AKR1C2: variants seen among roughly 807,000 people sequenced by gnomAD.
AKR1C2 encodes aldo-keto reductase family 1 member C2, also known as 3-alpha-HSD3.
A neutral mutation model predicts 39.8 loss-of-function variants in AKR1C2; 27 were observed. The observed-to-expected ratio is 0.68, with a 90% CI of 0.50 to 0.93. AKR1C2 has a LOEUF of 0.93. AKR1C2 is among the 40% of genes least tolerant of loss of function. The pLI is 0.00. For missense variants in AKR1C2, 263 were observed against 365.1 expected (o/e 0.72, Z 2.28); for synonymous variants, 114 against 137.9 (o/e 0.83, Z 1.22).
intron 1 of AKR1C2, among the ~76,000 whole-genome samples, chr10:5,009,777 A>C (rs1326760596): frequency 2.0e-5 from 3 of 152,076 alleles, no homozygotes; most frequent in Non-Finnish European, 4.4e-5. Context: ...TGAGGAGACA[A>C]GGAGGCAACC....
intron 3 of AKR1C2, 32 bp from the exon 4 acceptor site, chr10:4,999,309 A>G: frequency 1.3e-6 from 2 of 1,526,068 alleles, no homozygotes; most frequent in South Asian, 2.6e-5. Context: ...TAGTGATGTC[A>G]CAAGTCAATT....
chr10:5,002,124 A>G (rs1212290720), intron 1 of AKR1C2, among the ~76,000 whole-genome samples: 1 of 152,238 alleles, frequency 6.6e-6, no homozygotes, highest in Non-Finnish European at 1.5e-5. Context: ...TTTATCCAGC[A>G]TCATATTTTG....
At chr10:5,008,861 C>T (rs539058417), upstream of AKR1C2, among the ~76,000 whole-genome samples, 3 of 152,302 alleles carry the variant, frequency 2.0e-5, no homozygotes, top group East Asian at 5.8e-4. Context: ...ATGATGTTTG[C>T]CAGCACTGTT....
upstream of AKR1C2, among the ~76,000 whole-genome samples, chr10:5,005,630 C>T (rs148903677): frequency 3.6e-3 from 541 of 152,202 alleles, 5 homozygotes; most frequent in African/African-American, 0.012. Flanking sequence ...TTGCAGTGAG[C>T]CGAGATGGCA....
At chr10:5,011,808 TTGA>T (rs1398973867) in intron 1 of AKR1C2, among the ~76,000 whole-genome samples, 1 of 152,182 alleles carries the variant, frequency 6.6e-6, no homozygotes, top group Non-Finnish European at 1.5e-5. Context: ...GAACAAGAAC[TTGA>T]TGAACTGATG....
chr10:5,000,720 T>G, intron 2 of AKR1C2, 54 bp from the exon 3 acceptor site: 2 of 1,529,008 alleles, frequency 1.3e-6, no homozygotes, highest in African/African-American at 1.4e-5. Context: ...CCAGTTTTAC[T>G]AGTTTGCTCC....
At chr10:5,001,436 G>A (rs1837269020) in intron 2 of AKR1C2, 78 bp downstream of exon 2, 6 of 1,537,700 alleles carry the variant, frequency 3.9e-6, no homozygotes, top group East Asian at 2.3e-5. Context: ...CCTCAACTAT[G>A]GATCCAGTCA....
chr10:4,996,536 T>C (rs1475972762), intron 5 of AKR1C2, among the ~76,000 whole-genome samples: 8 of 132,428 alleles, frequency 6.0e-5, no homozygotes, highest in Admixed American at 4.1e-4. Context: ...TCATATATAT[T>C]ATATATATAT....
rs13945 is a variant in AKR1C2 at position 5,000,592 on chromosome 10, G to A, written c.327C>T (p.Asp109=). Residue 109 remains aspartate, a synonymous_variant, in exon 3 of 9, where the codon GAC becomes GAT. Coordinates refer to ENST00000380753, the MANE Select transcript of AKR1C2 (RefSeq NM_001393392.1). ...AATGAATAAGATAGAGGTCAACATA[G>A]TCCAATTGAAGATTTTTCAGTGACC... ...LERSLKNLQL[D]YVDLYLIHFP... 0.082 allele frequency: 132,148 copies of A among 1,612,022 alleles called. 6,009 individuals carry two copies. The highest frequency in any genetic ancestry group is 0.11 in the Middle Eastern group (665 of 6,052).
chr10:5,003,749 T>C lies in AKR1C2; in HGVS notation c.84+3A>G. 1 of 1,609,516 alleles carries C rather than the reference T, an allele frequency of 6.2e-7. No individual in the cohort carries two copies. Among genetic ancestry groups the C allele is most frequent in the Non-Finnish European group, 8.5e-7 (1 of 1,175,952 alleles). On this transcript the variant is annotated splice_donor_region_variant and intron_variant, in intron 1 of 8. Transcript: ENST00000380753. ...CTCTCAACACTAAAAATATTATTGT[T>C]ACCTCTGCAGGCGCATAGGTGCCAA...
upstream of AKR1C2, among the ~76,000 whole-genome samples, chr10:5,008,793 G>A (rs1307420118): frequency 2.0e-5 from 3 of 152,226 alleles, no homozygotes; most frequent in Non-Finnish European, 4.4e-5. Context: ...GTTACAGTTT[G>A]CAAAGAACTC....
intron 3 of AKR1C2, chr10:4,999,792 G>A (rs1320113800): frequency 1.3e-5 from 4 of 308,704 alleles, no homozygotes; most frequent in Non-Finnish European, 1.9e-5. Context: ...GGGCCTGACA[G>A]TGCTCCAAAG....
rs182898856 is a variant in AKR1C2 at position 4,993,725 on chromosome 10, G to C, written c.846+1594C>G. 1.4e-4 allele frequency among the ~76,000 whole-genome samples: 21 copies of C among 151,630 alleles called. No individual in the cohort carries two copies. In the East Asian group the frequency reaches 4.1e-3, roughly 29 times the overall value. ...GATGTTATTTCAAGAATACATTCAA[G>C]TCTCTAAAGAATTCATATCCAGAAT... On this transcript the variant is annotated intron_variant, in intron 7 of 8. Coordinates refer to ENST00000380753, the MANE Select transcript of AKR1C2 (RefSeq NM_001393392.1).
At chr10:5,007,834 G>A (rs1352940290), upstream of AKR1C2, among the ~76,000 whole-genome samples, 1 of 151,824 alleles carries the variant, frequency 6.6e-6, no homozygotes, top group African/African-American at 2.4e-5. Flanking sequence ...TATAGGCAGT[G>A]GTTGAACAAT....
intron 3 of AKR1C2, chr10:4,999,853 T>A: frequency 1.2e-6 from 1 of 853,616 alleles, no homozygotes; most frequent in South Asian, 5.3e-5. Flanking sequence ...AAAAAGCCTT[T>A]TGTAATAAAG....
Position 4,998,623 on chromosome 10 carries a change from A to G in AKR1C2, c.570+2T>C. The G allele has an allele frequency of 6.2e-7, 1 of 1,614,090 alleles. No homozygotes were observed. Among genetic ancestry groups the G allele is most frequent in the Non-Finnish European group, 8.5e-7 (1 of 1,179,978 alleles). ...AAAGGAGAGGAGGCTGAGGGCGCTC[A>G]CCTGGTTGCAGACAGGCTTGTACTT... On this transcript the variant is annotated splice_donor_variant, in intron 5 of 8. Coordinates refer to ENST00000380753, the MANE Select transcript of AKR1C2 (RefSeq NM_001393392.1). LOFTEE classifies it high-confidence loss of function.
chr10:5,014,586 A>T (rs545965048), intron 1 of AKR1C2, among the ~76,000 whole-genome samples: 11 of 152,098 alleles, frequency 7.2e-5, no homozygotes, highest in Non-Finnish European at 1.0e-4. Flanking sequence ...TATCCTCAAG[A>T]GGATACTGGG....
At position 4,989,258 on chromosome 10, in the gene AKR1C2, C is replaced by G. The variant is rs1836756863; in HGVS notation, c.*738G>C. On this transcript the variant is annotated 3_prime_UTR_variant, in exon 9 of 9. Coordinates refer to ENST00000380753, the MANE Select transcript of AKR1C2 (RefSeq NM_001393392.1). ...ACACATCAAAGATTCAGGCCTGACTCTCAGCTGTGGGGTTTGTTAAAACAA... is the reference window on the plus strand; with the variant it reads ...ACACATCAAAGATTCAGGCCTGACTGTCAGCTGTGGGGTTTGTTAAAACAA... 2 of 152,086 alleles carry G rather than the reference C, an allele frequency of 1.3e-5. No homozygotes were observed. Among genetic ancestry groups the G allele is most frequent in the African/African-American group, 4.8e-5 (2 of 41,382 alleles). The allele number at this position is 152,086 out of a possible 1,614,324, so 9.4% of individuals were successfully genotyped here.
intron 5 of AKR1C2, among the ~76,000 whole-genome samples, chr10:4,997,750 A>T (rs570911206): frequency 6.6e-6 from 1 of 152,146 alleles, no homozygotes; most frequent in East Asian, 1.9e-4. Context: ...CCAAATTATA[A>T]CAAAATTATA....
Sources: allele counts gnomAD v4.1 joint callset (sites outside exome capture counted in the v4.1 genomes callset), GRCh38; gene constraint gnomAD v4.1.1; transcripts MANE v1.5; gene names NCBI Gene and HGNC (gene_info 2026-07-23, HGNC 2026-07-21).